Variants in TRIP12 observed in about 807,000 individuals in gnomAD.
TRIP12 encodes E3 ubiquitin-protein ligase TRIP12.
Under a neutral mutation model 244.2 loss-of-function variants are expected in TRIP12, and 25 were observed. The observed-to-expected ratio is 0.10, with a 90% confidence interval of 0.07 to 0.14. TRIP12 has a LOEUF of 0.14. Among genes scored for constraint, TRIP12 ranks in the 10% least tolerant of loss-of-function variants. TRIP12 has a pLI of 1.00. For missense variants in TRIP12, 1,677 were observed against 2,486.4 expected (o/e 0.67, Z 6.92); for synonymous variants, 905 against 873.1 (o/e 1.04, Z -0.64).
chr2:229,907,635 T>G (rs971607690), intron 1 of TRIP12, among the ~76,000 whole-genome samples: 2 of 152,124 alleles, frequency 1.3e-5, no homozygotes, highest in East Asian at 3.9e-4. Context: ...CAAGATTTCA[T>G]CTCTACAATA....
At chr2:229,816,754 T>G (rs1286555043) in intron 9 of TRIP12, among the ~76,000 whole-genome samples, 2 of 152,176 alleles carry the variant, frequency 1.3e-5, no homozygotes, top group African/African-American at 4.8e-5. Context: ...TAACTGTAGA[T>G]AGTATAAGGT....
intron 2 of TRIP12, among the ~76,000 whole-genome samples, chr2:229,863,778 C>G (rs1402520141): frequency 6.6e-6 from 1 of 152,082 alleles, no homozygotes; most frequent in Non-Finnish European, 1.5e-5. Context: ...GGTAAAGGAG[C>G]CTTGGACGCC....
chr2:229,864,005 A>T (rs926196642), intron 2 of TRIP12, among the ~76,000 whole-genome samples: 1 of 63,044 alleles, frequency 1.6e-5, no homozygotes, highest in African/African-American at 5.0e-5. Context: ...TTTGGGTGAA[A>T]GAGAGAGAGA....
In TRIP12 at chr2:229,776,708, A is replaced by G. The variant is rs997859580; in HGVS notation, c.5529+607T>C. Among the ~76,000 whole-genome samples the G allele has an allele frequency of 2.0e-5, 3 of 152,206 alleles. No homozygotes were observed. In the East Asian group the frequency reaches 5.8e-4, roughly 29 times the overall value. ...CTTTTTGGGTCTGTGCCACAAAAAAATAGAATCTTGTTTTCTTCTAATAGC... is the reference window on the plus strand; with the variant it reads ...CTTTTTGGGTCTGTGCCACAAAAAAGTAGAATCTTGTTTTCTTCTAATAGC... On this transcript the variant is annotated intron_variant, in intron 37 of 41. Transcript: ENST00000675903.
intron 2 of TRIP12, among the ~76,000 whole-genome samples, chr2:229,870,578 G>T (rs1043736252): frequency 1.2e-4 from 19 of 152,144 alleles, no homozygotes; most frequent in African/African-American, 4.6e-4. Context: ...TGAAAGACTG[G>T]CAGAATTTCA....
chr2:229,802,310 A>G lies in TRIP12; in HGVS notation c.3148T>C (p.Leu1050=), dbSNP rs760995383. The change falls in exon 21 of 42, where the codon TTG becomes CTG. Residue 1050 remains leucine (L), a synonymous_variant. Transcript: ENST00000675903. Reference sequence around the variant, plus strand: ...CTGTGCTGCAAGCTGGGTGATCCCAAGTCAGCTGCAGCATGAGTGGCAGCT... The same window carrying G: ...CTGTGCTGCAAGCTGGGTGATCCCAGGTCAGCTGCAGCATGAGTGGCAGCT... ...ATAATHAAAD[L]GSPSLQHSRD... is the part of the protein sequence containing the mutation. 11 of 1,613,360 alleles carry G rather than the reference A, an allele frequency of 6.8e-6. No homozygotes were observed. The South Asian group carries it at 1.2e-4, about 18-fold the overall frequency.
rs2047150868 is a variant in TRIP12 at position 229,811,139 on chromosome 2, C to T, written c.2052G>A (p.Glu684=). ...FARLVDNFQH[E]ENLLQQVASK... is the part of the protein sequence containing the mutation. ...CTACCAAAGACTAAACACTTACCTC[C>T]TCATGCTGGAAGTTGTCCACTAGGC... is the stretch of plus-strand genomic sequence containing the variant. Residue 684 remains glutamate (E), a synonymous_variant, in exon 14 of 42, where the codon GAG becomes GAA. Transcript: ENST00000675903. The T allele has an allele frequency of 1.9e-6, 3 of 1,613,926 alleles. No homozygotes were observed. The highest frequency in any genetic ancestry group is 2.7e-5 in the African/African-American group (2 of 74,906).
At position 229,779,703 on chromosome 2, in the gene TRIP12, C is replaced by T. The variant is rs987699454; in HGVS notation, c.5095-713G>A. 3.3e-5 allele frequency among the ~76,000 whole-genome samples: 5 copies of T among 152,148 alleles called. No individual in the cohort carries two copies. In the South Asian group the frequency reaches 1.0e-3, roughly 32 times the overall value. On this transcript the variant is annotated intron_variant, in intron 34 of 41. Transcript: ENST00000675903. ...GAATCCCCAGAGCTTTATCAACATG[C>T]ACATATAGGGGTGCCACGTCCTGAA... is the stretch of plus-strand genomic sequence containing the variant.
chr2:229,849,303 C>T (rs533246010), intron 4 of TRIP12, among the ~76,000 whole-genome samples: 19 of 152,214 alleles, frequency 1.2e-4, no homozygotes, highest in Admixed American at 2.6e-4. Flanking sequence ...TAGATGTTCA[C>T]GATACAATAA....
intron 1 of TRIP12, among the ~76,000 whole-genome samples, chr2:229,890,435 G>C (rs1308302868): frequency 1.3e-5 from 2 of 152,124 alleles, no homozygotes; most frequent in Non-Finnish European, 2.9e-5. Flanking sequence ...TTCAGATTAG[G>C]ACGTCTATTC....
chr2:229,789,488 A>T (rs2040890411), intron 31 of TRIP12, 123 bp downstream of exon 31: 1 of 1,168,614 alleles, frequency 8.6e-7, no homozygotes, highest in African/African-American at 1.6e-5. Flanking sequence ...ACTGATGAGT[A>T]CATTGTACTT....
chr2:229,807,990 G>T, intron 16 of TRIP12, 126 bp from the exon 17 acceptor site: 1 of 1,043,588 alleles, frequency 9.6e-7, no homozygotes, highest in Admixed American at 2.7e-5. Flanking sequence ...TTTGGAGACA[G>T]AGTCTCACTC....
At chr2:229,914,722 T>A (rs2154380103) in intron 1 of TRIP12, among the ~76,000 whole-genome samples, 1 of 152,316 alleles carries the variant, frequency 6.6e-6, no homozygotes, top group East Asian at 1.9e-4. Context: ...AGGGTAGAAC[T>A]CATTGGTTAT....
At chr2:229,788,240 T>C (rs1443371077) in intron 32 of TRIP12, among the ~76,000 whole-genome samples, 2 of 152,242 alleles carry the variant, frequency 1.3e-5, no homozygotes, top group African/African-American at 4.8e-5. Flanking sequence ...CGATAGATCA[T>C]CTTTAATCTA....
At chr2:229,890,028 T>C (rs959890408) in intron 1 of TRIP12, among the ~76,000 whole-genome samples, 3 of 152,080 alleles carry the variant, frequency 2.0e-5, no homozygotes, top group Non-Finnish European at 4.4e-5. Context: ...CAATATATAT[T>C]CTTGTCACTA....
intron 2 of TRIP12, among the ~76,000 whole-genome samples, chr2:229,864,885 T>C (rs762573196): frequency 6.6e-6 from 1 of 152,200 alleles, no homozygotes; most frequent in African/African-American, 2.4e-5. Context: ...TTTAGGCACA[T>C]AGTATTGACT....
At chr2:229,792,623 T>A (rs1042214660) in intron 27 of TRIP12, among the ~76,000 whole-genome samples, 2 of 152,200 alleles carry the variant, frequency 1.3e-5, no homozygotes, top group South Asian at 4.1e-4. Flanking sequence ...AAGTTTCAGA[T>A]TCTGGAGCGT....
At chr2:229,867,543 A>G (rs2061784992) in intron 2 of TRIP12, among the ~76,000 whole-genome samples, 1 of 152,056 alleles carries the variant, frequency 6.6e-6, no homozygotes, top group Admixed American at 6.5e-5. Flanking sequence ...TCTAAAAAGG[A>G]GCCCTCTGCC....
intron 2 of TRIP12, among the ~76,000 whole-genome samples, chr2:229,865,879 T>C (rs992908330): frequency 2.6e-5 from 4 of 152,220 alleles, no homozygotes; most frequent in Admixed American, 2.0e-4. Flanking sequence ...ATCTGATCAA[T>C]GTTCCTATCT....
Sources: gnomAD v4.1 joint callset for allele counts (sites outside exome capture counted in the v4.1 genomes callset) on GRCh38, gnomAD v4.1.1 for gene constraint, MANE v1.5 for transcripts, NCBI Gene and HGNC (gene_info 2026-07-23, HGNC 2026-07-21) for gene names.